The following CPN1 variants were observed in gnomAD, a reference collection of about 807,000 sequenced individuals.
CPN1 encodes the protein carboxypeptidase N catalytic chain.
A neutral mutation model predicts 46.4 loss-of-function variants in CPN1; 37 were observed. The ratio of observed to expected loss-of-function variants is 0.80; its 90% CI spans 0.61 to 1.05. The LOEUF (loss-of-function observed/expected upper bound fraction) is 1.05, where lower values mean the gene tolerates loss of function less well. Among genes scored for constraint, CPN1 ranks in the 50% least tolerant of loss-of-function variants. CPN1 has a pLI of 0.00. For synonymous variants in CPN1, 224 were observed against 235.4 expected, an observed-to-expected ratio of 0.95 and a Z score of 0.44; for missense variants, 563 against 602.6, an observed-to-expected ratio of 0.93 and a Z score of 0.69.
At chr10:100,072,747 G>C (rs1256003573) in intron 2 of CPN1, among the ~76,000 whole-genome samples, 1 of 152,168 alleles carries the variant, frequency 6.6e-6, no homozygotes, top group Non-Finnish European at 1.5e-5. Flanking sequence ...AAAGAGATAA[G>C]TGAGACATTG....
At position 100,065,287 on chromosome 10, in the gene CPN1, C is replaced by T. The variant is rs185812861; in HGVS notation, c.660G>A (p.Val220=). The T allele has an allele frequency of 2.2e-5, 36 of 1,614,172 alleles. No homozygotes were observed. In the East Asian group the frequency reaches 7.6e-4, roughly 34 times the overall value. Residue 220 remains valine (V), a synonymous_variant, in exon 4 of 9, where the codon GTG becomes GTA. Coordinates refer to ENST00000370418, the MANE Select transcript of CPN1 (RefSeq NM_001308.3). ...VLSANLHGGA[V]VANYPYDKSF... ...ACTTGTCATACGGGTAATTGGCCAC[C>T]ACCGCCCCTCCGTGGAGATTGGCTG...
rs560959346 is a variant in CPN1 at position 100,061,813 on chromosome 10, T to TA, written c.871+1800dup. Among the ~76,000 whole-genome samples, 404 of 152,304 alleles carry TA rather than the reference T, an allele frequency of 2.7e-3. 2 individuals carry two copies. The highest frequency in any genetic ancestry group is 9.3e-3 in the African/African-American group (387 of 41,548). On this transcript the variant is annotated intron_variant, in intron 5 of 8. Coordinates refer to ENST00000370418, the MANE Select transcript of CPN1 (RefSeq NM_001308.3). Reference sequence around the variant, plus strand: ...TAATGCAAACTAAAGAAAGTAACTTTAAAAAAACATTTAAAATTACGGATG... The same window carrying TA: ...TAATGCAAACTAAAGAAAGTAACTTTAAAAAAAACATTTAAAATTACGGATG...
intron 1 of CPN1, among the ~76,000 whole-genome samples, chr10:100,078,719 AC>A (rs768802109): frequency 2.0e-5 from 3 of 152,160 alleles, no homozygotes; most frequent in Admixed American, 1.3e-4. Context: ...TAGTTTGCTG[AC>A]CCCTGTTCTG....
intron 5 of CPN1, among the ~76,000 whole-genome samples, chr10:100,057,913 GGGCTAATCA>G (rs2041394556): frequency 6.6e-6 from 1 of 152,032 alleles, no homozygotes; most frequent in African/African-American, 2.4e-5. Flanking sequence ...ACTCTGGCGA[GGGCTAATCA>G]GGCTAATTAG....
intron 8 of CPN1, among the ~76,000 whole-genome samples, chr10:100,043,883 C>T (rs1019246497): frequency 6.6e-6 from 1 of 152,000 alleles, no homozygotes; most frequent in African/African-American, 2.4e-5. Flanking sequence ...TCTCTTCTGG[C>T]CACAGCACGC....
Position 100,049,013 on chromosome 10 carries a change from A to C in CPN1, c.1112-137T>G, listed in dbSNP as rs191416999. 26 of 636,016 alleles carry C rather than the reference A, an allele frequency of 4.1e-5. No homozygotes were observed. In the Admixed American group the frequency reaches 5.0e-4, roughly 12 times the overall value. 39.4% of individuals were successfully genotyped at this position (636,016 alleles called of 1,614,324 possible). A position where few individuals can be genotyped will look rare whatever the true frequency, so the allele number is the denominator to read the frequency against. On this transcript the variant is annotated intron_variant, in intron 7 of 8. Coordinates refer to ENST00000370418, the MANE Select transcript of CPN1 (RefSeq NM_001308.3). ...TTGCTCTGTCACCCAGGCTGGAGTG[A>C]AGTGGTGTGATCTCAGCTCACTGCA...
chr10:100,066,059 G>C (rs539250799), intron 3 of CPN1, among the ~76,000 whole-genome samples: 1 of 151,734 alleles, frequency 6.6e-6, no homozygotes, highest in Non-Finnish European at 1.5e-5. Context: ...GGACTCAAGC[G>C]ATCCTCCTAC....
chr10:100,069,545 T>C (rs2041472659), intron 3 of CPN1, among the ~76,000 whole-genome samples, 169 bp downstream of exon 3: 1 of 151,908 alleles, frequency 6.6e-6, no homozygotes, highest in East Asian at 1.9e-4. Flanking sequence ...AGAAAATAAA[T>C]ACAAAGACAC....
At chr10:100,045,522 A>G (rs1351584959) in intron 8 of CPN1, among the ~76,000 whole-genome samples, 2 of 152,248 alleles carry the variant, frequency 1.3e-5, no homozygotes, top group Admixed American at 6.5e-5. Context: ...GACTTAAAGC[A>G]TAGTTCTTTC....
chr10:100,042,747 TGATA>T (rs958346162), intron 8 of CPN1, among the ~76,000 whole-genome samples, 174 bp from the exon 9 acceptor site: 1 of 151,988 alleles, frequency 6.6e-6, no homozygotes, highest in Admixed American at 6.6e-5. Context: ...CAATCATTGG[TGATA>T]GATAGAGTGT....
At chr10:100,070,330 A>G (rs902557359) in intron 2 of CPN1, among the ~76,000 whole-genome samples, 2 of 152,084 alleles carry the variant, frequency 1.3e-5, no homozygotes, top group African/African-American at 2.4e-5. Flanking sequence ...AAAAAATACA[A>G]AAATTAGCTG....
chr10:100,042,707 C>T, intron 8 of CPN1, 134 bp from the exon 9 acceptor site: 4 of 1,134,884 alleles, frequency 3.5e-6, no homozygotes, highest in Non-Finnish European at 5.2e-6. Context: ...GTCATATAGA[C>T]TTGGCTAACG....
intron 3 of CPN1, among the ~76,000 whole-genome samples, chr10:100,067,380 T>C (rs967334128): frequency 6.6e-6 from 1 of 152,194 alleles, no homozygotes; most frequent in Non-Finnish European, 1.5e-5. Context: ...CCTCCCAAAG[T>C]GCTGGGATTA....
intron 3 of CPN1, 132 bp downstream of exon 3, chr10:100,069,582 A>G: frequency 9.6e-7 from 1 of 1,040,948 alleles, no homozygotes; most frequent in Admixed American, 1.7e-5. Flanking sequence ...ATTGCTCTAG[A>G]TGGGTTAATA....
At position 100,042,231 on chromosome 10, in the gene CPN1, C is replaced by A; in HGVS notation, c.*196G>T. On this transcript the variant is annotated 3_prime_UTR_variant, in exon 9 of 9. Coordinates refer to ENST00000370418, the MANE Select transcript of CPN1 (RefSeq NM_001308.3). The stretch of plus-strand genomic sequence containing the variant: ...GAGCCACCACACCCGGCCACCACAT[C>A]ACCTTTCAATAGATCCTAATTTTTT... 1.4e-6 allele frequency: 1 copy of A among 693,968 alleles called. No individual in the cohort carries two copies. The highest frequency in any genetic ancestry group is 2.4e-6 in the Non-Finnish European group (1 of 418,132). The allele number at this position is 693,968 out of a possible 1,614,324, so 43.0% of individuals were successfully genotyped here.
chr10:100,055,253 G>GTT (rs2041378886), intron 6 of CPN1, among the ~76,000 whole-genome samples: 1 of 151,064 alleles, frequency 6.6e-6, no homozygotes, highest in Non-Finnish European at 1.5e-5. Flanking sequence ...AAAAAAATTT[G>GTT]TAATGTTGTG....
chr10:100,044,572 C>T (rs1398058818), intron 8 of CPN1, among the ~76,000 whole-genome samples: 2 of 152,000 alleles, frequency 1.3e-5, no homozygotes, highest in East Asian at 1.9e-4. Flanking sequence ...GATATGATTT[C>T]GCCATGTTGC....
intron 7 of CPN1, among the ~76,000 whole-genome samples, chr10:100,053,692 T>C (rs2041368356): frequency 6.6e-6 from 1 of 151,956 alleles, no homozygotes; most frequent in Non-Finnish European, 1.5e-5. Context: ...TAACCATTTG[T>C]AGCCACTGTT....
chr10:100,059,186 A>G (rs902076749), intron 5 of CPN1, among the ~76,000 whole-genome samples: 16 of 152,190 alleles, frequency 1.1e-4, no homozygotes, highest in African/African-American at 3.4e-4. Flanking sequence ...AAAATAACAG[A>G]TTAGACTTCA....
Sources: gnomAD v4.1 joint callset for allele counts (sites outside exome capture counted in the v4.1 genomes callset) on GRCh38, gnomAD v4.1.1 for gene constraint, MANE v1.5 for transcripts, NCBI Gene and HGNC (gene_info 2026-07-23, HGNC 2026-07-21) for gene names.